The following GABRA3 variants were observed in gnomAD, a reference collection of about 807,000 sequenced individuals.
GABRA3 encodes gamma-aminobutyric acid receptor subunit alpha-3.
In GABRA3, 10 loss-of-function variants were observed where a neutral mutation model predicts 30.1. The observed-to-expected ratio is 0.33, with a 90% CI of 0.20 to 0.56. GABRA3 has a LOEUF of 0.56. Among genes scored for constraint, GABRA3 ranks in the 20% least tolerant of loss-of-function variants. The pLI is 0.89. For synonymous variants in GABRA3, 151 were observed against 146.8 expected (o/e 1.03, Z -0.21); for missense variants, 233 against 392.0 (o/e 0.59, Z 3.42).
chrX:152,309,702 A>G (rs1050818142), intron 3 of GABRA3, among the ~76,000 whole-genome samples: 1 of 111,777 alleles, frequency 8.9e-6, no homozygotes, highest in African/African-American at 3.2e-5. Flanking sequence ...ATTCAGGTAC[A>G]TAGACAATTA....
rs1940380917 is a variant in GABRA3 at position 152,345,658 on chromosome X, T to C, written c.185A>G (p.Asp62Gly). Residue 62 changes from aspartate to glycine, a missense_variant, in exon 3 of 10, where the codon GAC becomes GGC. Transcript: ENST00000370314. ...GATTCTGGTGAAGATAGTGATGTTG[T>C]CAGTGCTGTCATCAGGAATATCTGG... ...HAPDIPDDSTDNITIFTRILD... is the reference protein window; with the variant it reads ...HAPDIPDDSTGNITIFTRILD... 1.7e-6 allele frequency: 2 copies of C among 1,202,737 alleles called. No homozygotes were observed. The highest frequency in any genetic ancestry group is 1.8e-5 in the South Asian group (1 of 55,465).
rs193055088 is a variant in GABRA3, at chrX:152,172,516, C to T, written c.1144-3953G>A. On this transcript the variant is annotated intron_variant, in intron 9 of 9. Coordinates refer to ENST00000370314, the MANE Select transcript of GABRA3 (RefSeq NM_000808.4). ...TACCCATGTTCACACCTTCATTATT[C>T]CCAATAGCCAAATGGTGGAAGCAAC... Among the ~76,000 whole-genome samples the T allele has an allele frequency of 4.3e-3, 481 of 111,529 alleles. 3 individuals carry two copies. The highest frequency in any genetic ancestry group is 7.3e-3 in the Non-Finnish European group (385 of 53,094).
chrX:152,356,767 T>G (rs770660014), intron 2 of GABRA3, among the ~76,000 whole-genome samples: 2 of 111,329 alleles, frequency 1.8e-5, no homozygotes, highest in Non-Finnish European at 3.8e-5. Flanking sequence ...AACTAGGCCC[T>G]GGTGTTTATT....
chrX:152,435,497 A>T (rs1930756417), intron 1 of GABRA3, among the ~76,000 whole-genome samples: 1 of 109,884 alleles, frequency 9.1e-6, no homozygotes, highest in Admixed American at 9.8e-5. Flanking sequence ...ACACAAGAAC[A>T]GAAAACCAAA....
At chrX:152,449,531 G>C (rs6627595) in intron 1 of GABRA3, among the ~76,000 whole-genome samples, 45,559 of 110,271 alleles carry the variant, frequency 0.41, 6,848 homozygotes, top group East Asian at 0.65. Context: ...AGTGAAGTAC[G>C]ATTTTCAAGG....
intron 5 of GABRA3, among the ~76,000 whole-genome samples, chrX:152,226,547 T>G (rs935762346): frequency 9.0e-6 from 1 of 111,296 alleles, no homozygotes; most frequent in Admixed American, 9.6e-5. Flanking sequence ...CTAATTAAAC[T>G]AAAGAGCTTC....
chrX:152,247,786 C>G (rs1033321242), intron 5 of GABRA3, among the ~76,000 whole-genome samples: 9 of 111,453 alleles, frequency 8.1e-5, no homozygotes, highest in African/African-American at 2.9e-4. Flanking sequence ...GTAGTATATA[C>G]ACATGAACAT....
At chrX:152,226,682 A>T (rs1318891141) in intron 5 of GABRA3, among the ~76,000 whole-genome samples, 1 of 111,993 alleles carries the variant, frequency 8.9e-6, no homozygotes, top group Non-Finnish European at 1.9e-5. Context: ...AAACAAATTT[A>T]CAAGAAAAAA....
At chrX:152,419,944 T>C (rs965071631) in intron 1 of GABRA3, among the ~76,000 whole-genome samples, 6 of 111,436 alleles carry the variant, frequency 5.4e-5, no homozygotes, top group African/African-American at 2.0e-4. Context: ...GTAGGATTTA[T>C]ATAAAGAATA....
chrX:152,209,082 A>G (rs1015879797), intron 6 of GABRA3, among the ~76,000 whole-genome samples: 1 of 112,316 alleles, frequency 8.9e-6, no homozygotes, highest in African/African-American at 3.2e-5. Context: ...AAGTTAAAAA[A>G]GAAAAATTCC....
chrX:152,434,268 A>G (rs1930721708), intron 1 of GABRA3, among the ~76,000 whole-genome samples: 1 of 111,052 alleles, frequency 9.0e-6, no homozygotes, highest in South Asian at 3.8e-4. Flanking sequence ...TTAAGAAGCG[A>G]GACTAGCCTA....
intron 1 of GABRA3, among the ~76,000 whole-genome samples, chrX:152,439,851 T>C (rs1046806732): frequency 8.9e-6 from 1 of 112,089 alleles, no homozygotes; most frequent in African/African-American, 3.2e-5. Context: ...AATGTTTCCA[T>C]TGATGTGATA....
chrX:152,243,268 A>G (rs908714720), intron 5 of GABRA3, among the ~76,000 whole-genome samples: 2 of 111,828 alleles, frequency 1.8e-5, no homozygotes, highest in Admixed American at 1.9e-4. Flanking sequence ...CAAGAGATCT[A>G]TTGTACAACA....
intron 1 of GABRA3, among the ~76,000 whole-genome samples, chrX:152,421,865 TTATAA>T (rs370118941): frequency 2.8e-3 from 318 of 111,681 alleles, no homozygotes; most frequent in African/African-American, 9.9e-3. Context: ...AACAAGCATA[TTATAA>T]TATCTAAAAT....
chrX:152,275,276 A>AATT (rs1939043921), intron 4 of GABRA3, among the ~76,000 whole-genome samples: 1 of 69,073 alleles, frequency 1.4e-5, no homozygotes, highest in African/African-American at 6.3e-5. Flanking sequence ...AATTATATAT[A>AATT]TAAATTATAT....
At chrX:152,172,473 C>A (rs1937015541) in intron 9 of GABRA3, among the ~76,000 whole-genome samples, 1 of 111,669 alleles carries the variant, frequency 9.0e-6, no homozygotes, top group South Asian at 3.8e-4. Flanking sequence ...TAAGCAGGGT[C>A]TCAAAGAGAT....
chrX:152,242,557 A>T (rs1938398876), intron 5 of GABRA3, among the ~76,000 whole-genome samples: 2 of 112,295 alleles, frequency 1.8e-5, no homozygotes, highest in African/African-American at 6.5e-5. Context: ...GAACTCAAAC[A>T]ACAATAGCAA....
chrX:152,359,138 GTTC>G (rs1357150275), intron 2 of GABRA3, among the ~76,000 whole-genome samples: 2 of 111,665 alleles, frequency 1.8e-5, no homozygotes, highest in Admixed American at 9.5e-5. Context: ...AATGGTACCA[GTTC>G]TTCTTTATAT....
chrX:152,358,848 AT>A (rs1379380954), intron 2 of GABRA3, among the ~76,000 whole-genome samples: 1 of 111,935 alleles, frequency 8.9e-6, no homozygotes, highest in Admixed American at 9.5e-5. Context: ...AGTTCTACTT[AT>A]GTGGTGAATC....
Sources: gnomAD v4.1 joint callset for allele counts (sites outside exome capture counted in the v4.1 genomes callset) on GRCh38, gnomAD v4.1.1 for gene constraint, MANE v1.5 for transcripts, NCBI Gene and HGNC (gene_info 2026-07-23, HGNC 2026-07-21) for gene names.